The following GPHN variants were observed in gnomAD, a reference collection of about 807,000 sequenced individuals.
GPHN encodes the protein gephyrin.
A neutral mutation model predicts 95.5 loss-of-function variants in GPHN; 17 were observed. That is an observed-to-expected ratio of 0.18 (90% CI 0.12 to 0.27). The LOEUF (loss-of-function observed/expected upper bound fraction) is 0.27. Among genes scored for constraint, GPHN ranks in the 10% least tolerant of loss-of-function variants. The probability of loss-of-function intolerance (pLI) is 1.00; values close to 1 mark genes in which losing one functional copy is unlikely to be tolerated. For missense variants in GPHN, 660 were observed against 978.1 expected (o/e 0.67, Z 4.34); for synonymous variants, 320 against 322.5 (o/e 0.99, Z 0.08).
intron 9 of GPHN, among the ~76,000 whole-genome samples, chr14:66,977,159 C>T (rs1195547729): frequency 6.6e-6 from 1 of 152,120 alleles, no homozygotes; most frequent in African/African-American, 2.4e-5. Context: ...AGGCCGGGCG[C>T]GGTGGCTCAT....
the GPHN span, among the ~76,000 whole-genome samples, chr14:67,643,838 T>G: frequency 8.0e-6 from 1 of 125,132 alleles, no homozygotes; most frequent in African/African-American, 3.2e-5. Flanking sequence ...AGCAGGTAGA[T>G]TCCTCCTTGG....
At chr14:66,970,951 G>C (rs1445476675) in intron 9 of GPHN, among the ~76,000 whole-genome samples, 1 of 152,134 alleles carries the variant, frequency 6.6e-6, no homozygotes, top group Non-Finnish European at 1.5e-5. Context: ...AAACATACTG[G>C]TCTCCAGACC....
At chr14:67,261,514 CTAT>C in the GPHN span, among the ~76,000 whole-genome samples, 1 of 151,954 alleles carries the variant, frequency 6.6e-6, no homozygotes, top group African/African-American at 2.4e-5. Context: ...TAACAGGAGT[CTAT>C]TATATTTTTA....
intron 19 of GPHN, among the ~76,000 whole-genome samples, chr14:67,162,698 A>G (rs2153720918): frequency 6.6e-6 from 1 of 152,306 alleles, no homozygotes; most frequent in East Asian, 1.9e-4. Flanking sequence ...ATCGAATCTC[A>G]TTTTTCTAAA....
the GPHN span, among the ~76,000 whole-genome samples, chr14:67,311,216 C>T: frequency 1.4e-5 from 2 of 146,640 alleles, no homozygotes; most frequent in East Asian, 2.1e-4. Context: ...GAGGCTCAGA[C>T]AGGAGAATCA....
intron 11 of GPHN, among the ~76,000 whole-genome samples, chr14:67,067,123 T>C (rs2076091543): frequency 6.6e-6 from 1 of 152,178 alleles, no homozygotes; most frequent in Non-Finnish European, 1.5e-5. Flanking sequence ...TTGGTGTGGA[T>C]GTCCTTTTTG....
chr14:66,786,553 A>G (rs572487774), intron 3 of GPHN, among the ~76,000 whole-genome samples: 1 of 152,236 alleles, frequency 6.6e-6, no homozygotes, highest in East Asian at 1.9e-4. Flanking sequence ...TAATGTTGAT[A>G]CCAAAAACAG....
chr14:67,703,981 C>T, the GPHN span, among the ~76,000 whole-genome samples: 1 of 152,138 alleles, frequency 6.6e-6, no homozygotes, highest in African/African-American at 2.4e-5. Context: ...CTTGGCCTGG[C>T]ATGTCTTAAT....
At chr14:66,741,590 T>C (rs987251437) in intron 2 of GPHN, among the ~76,000 whole-genome samples, 24 of 152,180 alleles carry the variant, frequency 1.6e-4, no homozygotes, top group African/African-American at 5.8e-4. Flanking sequence ...CACTATGAAA[T>C]GATGGTTGGA....
chr14:67,520,447 T>C, the GPHN span, among the ~76,000 whole-genome samples: 1 of 152,256 alleles, frequency 6.6e-6, no homozygotes, highest in Non-Finnish European at 1.5e-5. Context: ...TAAAGCCTTT[T>C]CAAACTAACT....
intron 2 of GPHN, among the ~76,000 whole-genome samples, chr14:66,708,163 C>T (rs1160337392): frequency 4.6e-5 from 7 of 151,746 alleles, no homozygotes; most frequent in Non-Finnish European, 1.0e-4. Flanking sequence ...AATAGTTCTT[C>T]AAAGGCTCAA....
At chr14:66,941,298 G>A (rs2067416080) in intron 8 of GPHN, among the ~76,000 whole-genome samples, 1 of 151,446 alleles carries the variant, frequency 6.6e-6, no homozygotes, top group South Asian at 2.1e-4. Flanking sequence ...TTGCAAAATA[G>A]ACTTAGTCTT....
the GPHN span, among the ~76,000 whole-genome samples, chr14:67,508,611 A>C: frequency 2.0e-5 from 3 of 151,508 alleles, no homozygotes; most frequent in East Asian, 2.0e-4. Context: ...GGCCAGGTGT[A>C]GTTCTGCACC....
intron 3 of GPHN, among the ~76,000 whole-genome samples, chr14:66,794,109 A>T (rs2060073152): frequency 6.6e-6 from 1 of 152,124 alleles, no homozygotes; most frequent in African/African-American, 2.4e-5. Context: ...TATTATGCTG[A>T]TATAGTCTGG....
At chr14:66,554,273 G>A (rs753913429) in intron 1 of GPHN, among the ~76,000 whole-genome samples, 1 of 152,182 alleles carries the variant, frequency 6.6e-6, no homozygotes, top group Non-Finnish European at 1.5e-5. Flanking sequence ...GAGACAAGTA[G>A]GACTGTGGCT....
At chr14:67,549,244 C>CGT in the GPHN span, among the ~76,000 whole-genome samples, 121 of 148,574 alleles carry the variant, frequency 8.1e-4, 1 homozygote, top group African/African-American at 2.7e-3. Context: ...GGTGTGTGTG[C>CGT]GTGTGTGTGT....
At chr14:67,346,873 C>T in the GPHN span, among the ~76,000 whole-genome samples, 1 of 152,142 alleles carries the variant, frequency 6.6e-6, no homozygotes, top group Admixed American at 6.6e-5. Context: ...TCAGTGAATT[C>T]ATATTCAAAA....
the GPHN span, chr14:67,577,524 G>C: frequency 1.4e-6 from 1 of 712,194 alleles, no homozygotes; most frequent in Non-Finnish European, 2.4e-6. Context: ...AGGAAGGGAA[G>C]GAAACTTCCC....
chr14:67,514,219 G>A, the GPHN span, among the ~76,000 whole-genome samples: 1 of 152,140 alleles, frequency 6.6e-6, no homozygotes, highest in Non-Finnish European at 1.5e-5. Flanking sequence ...CTGTACCTAA[G>A]GCAGCCAAAC....
Sources: allele counts gnomAD v4.1 joint callset (sites outside exome capture counted in the v4.1 genomes callset), GRCh38; gene constraint gnomAD v4.1.1; transcripts MANE v1.5; gene names NCBI Gene and HGNC (gene_info 2026-07-23, HGNC 2026-07-21).